The following FOXN3 variants were observed in gnomAD, a reference collection of about 807,000 sequenced individuals.
FOXN3 encodes the protein forkhead box N3, also known as forkhead box protein N3.
FOXN3 carries 7 observed loss-of-function variants against 38.4 expected under a neutral mutation model. The ratio of observed to expected loss-of-function variants is 0.18; its 90% CI spans 0.10 to 0.34. The LOEUF is 0.34. FOXN3 is among the 10% of genes least tolerant of loss of function. The probability of loss-of-function intolerance (pLI) is 1.00; values close to 1 mark genes in which losing one functional copy is unlikely to be tolerated. For synonymous variants in FOXN3, 230 were observed against 242.2 expected, an observed-to-expected ratio of 0.95 and a Z score of 0.47; for missense variants, 456 against 613.4, an observed-to-expected ratio of 0.74 and a Z score of 2.71.
At chr14:89,521,390 T>C (rs1475192392) in intron 1 of FOXN3, among the ~76,000 whole-genome samples, 4 of 137,518 alleles carry the variant, frequency 2.9e-5, no homozygotes, top group African/African-American at 1.2e-4. Context: ...GAGAGACAGA[T>C]AGAATAAAAA....
chr14:89,294,322 G>T (rs529578370), intron 3 of FOXN3, among the ~76,000 whole-genome samples: 3 of 152,170 alleles, frequency 2.0e-5, no homozygotes, highest in African/African-American at 7.2e-5. Flanking sequence ...TATCAGGGGT[G>T]GGGGAATGGT....
At chr14:89,521,354 T>TAG (rs1360819878) in intron 1 of FOXN3, among the ~76,000 whole-genome samples, 4 of 92,304 alleles carry the variant, frequency 4.3e-5, no homozygotes, top group African/African-American at 1.7e-4. Flanking sequence ...TCATAGATGA[T>TAG]AGATAGAGAG....
intron 1 of FOXN3, among the ~76,000 whole-genome samples, chr14:89,464,159 C>G (rs1418755367): frequency 6.6e-6 from 1 of 152,196 alleles, no homozygotes; most frequent in Non-Finnish European, 1.5e-5. Context: ...CTCCAGATTT[C>G]TCAGCTGAGT....
At chr14:89,483,204 C>T (rs2139763364) in intron 1 of FOXN3, among the ~76,000 whole-genome samples, 1 of 151,996 alleles carries the variant, frequency 6.6e-6, no homozygotes, top group South Asian at 2.1e-4. Flanking sequence ...GGGACTCTGT[C>T]TCAAAAAAGA....
chr14:89,559,775 G>A (rs921756188), intron 1 of FOXN3, among the ~76,000 whole-genome samples: 2 of 152,210 alleles, frequency 1.3e-5, no homozygotes, highest in African/African-American at 4.8e-5. Context: ...ACTGAGTGGA[G>A]GGTGTCAGGG....
chr14:89,217,577 CA>C (rs1342983408), intron 4 of FOXN3, among the ~76,000 whole-genome samples: 2 of 152,232 alleles, frequency 1.3e-5, no homozygotes, highest in Non-Finnish European at 2.9e-5. Context: ...TGCTTTTGGG[CA>C]ACCCACTTCA....
At chr14:89,320,353 T>C (rs374870182) in intron 3 of FOXN3, among the ~76,000 whole-genome samples, 103 of 152,378 alleles carry the variant, frequency 6.8e-4, no homozygotes, top group African/African-American at 2.3e-3. Flanking sequence ...TTTTTAATAA[T>C]AGAAGTTCAA....
chr14:89,595,252 G>A (rs1468933228), intron 1 of FOXN3, among the ~76,000 whole-genome samples: 2 of 151,988 alleles, frequency 1.3e-5, no homozygotes, highest in East Asian at 1.9e-4. Flanking sequence ...GTGAACCCGG[G>A]AGGCGGAGCT....
At chr14:89,323,473 C>A (rs1048140336) in intron 3 of FOXN3, among the ~76,000 whole-genome samples, 1 of 152,018 alleles carries the variant, frequency 6.6e-6, no homozygotes, top group Non-Finnish European at 1.5e-5. Flanking sequence ...GTAATCCCAG[C>A]ACTTTGGGAG....
chr14:89,317,235 A>G (rs1887745878), intron 3 of FOXN3, among the ~76,000 whole-genome samples: 1 of 152,226 alleles, frequency 6.6e-6, no homozygotes, highest in African/African-American at 2.4e-5. Context: ...AATCATCTGC[A>G]CATGGCACAG....
intron 3 of FOXN3, among the ~76,000 whole-genome samples, chr14:89,338,445 C>T (rs1042824940): frequency 2.0e-5 from 3 of 152,116 alleles, no homozygotes; most frequent in Admixed American, 2.0e-4. Flanking sequence ...AAGCACAGAA[C>T]ATAAAGTATA....
chr14:89,442,226 G>A (rs973553066), intron 1 of FOXN3, among the ~76,000 whole-genome samples: 1 of 151,964 alleles, frequency 6.6e-6, no homozygotes, highest in South Asian at 2.1e-4. Flanking sequence ...GCGCCCGGGT[G>A]AAACTGGCTG....
intron 1 of FOXN3, among the ~76,000 whole-genome samples, chr14:89,590,968 G>A (rs1178480974): frequency 6.6e-6 from 1 of 151,372 alleles, no homozygotes; most frequent in Non-Finnish European, 1.5e-5. Context: ...TCCAATCACC[G>A]CTCTACACAA....
chr14:89,610,612 G>A (rs190056413), intron 1 of FOXN3, among the ~76,000 whole-genome samples: 3 of 152,208 alleles, frequency 2.0e-5, no homozygotes, highest in Admixed American at 2.0e-4. Flanking sequence ...ATCTCATGAG[G>A]GTGGCACTTC....
chr14:89,348,107 T>A (rs1329426879), intron 3 of FOXN3, among the ~76,000 whole-genome samples: 3 of 151,910 alleles, frequency 2.0e-5, no homozygotes, highest in Non-Finnish European at 4.4e-5. Flanking sequence ...AGAGTGACAT[T>A]TGCCAAGCAC....
intron 3 of FOXN3, among the ~76,000 whole-genome samples, chr14:89,322,411 T>A (rs1050584400): frequency 3.2e-4 from 48 of 152,148 alleles, no homozygotes; most frequent in African/African-American, 1.2e-3. Context: ...CAAGAGAGGA[T>A]ACGGGCTCCT....
chr14:89,325,856 T>G (rs1415493041), intron 3 of FOXN3, among the ~76,000 whole-genome samples: 16 of 152,284 alleles, frequency 1.1e-4, no homozygotes, highest in African/African-American at 2.4e-5. Context: ...TACCTGTGCC[T>G]CTTGGGGACC....
intron 4 of FOXN3, among the ~76,000 whole-genome samples, chr14:89,250,996 G>A (rs956040367): frequency 6.6e-5 from 10 of 152,132 alleles, no homozygotes; most frequent in African/African-American, 1.9e-4. Context: ...ACTCAGTCTC[G>A]GGTATGTCTT....
chr14:89,316,213 C>T (rs117958797), intron 3 of FOXN3, among the ~76,000 whole-genome samples: 8,885 of 152,192 alleles, frequency 0.058, 399 homozygotes, highest in Non-Finnish European at 0.081. Flanking sequence ...AGCTTGGAAT[C>T]GCTTCCTGAA....
Sources: gnomAD v4.1 joint callset for allele counts (sites outside exome capture counted in the v4.1 genomes callset) on GRCh38, gnomAD v4.1.1 for gene constraint, MANE v1.5 for transcripts, NCBI Gene and HGNC (gene_info 2026-07-23, HGNC 2026-07-21) for gene names.